The following ARHGEF25 variants were observed in gnomAD, a reference collection of about 807,000 sequenced individuals.
ARHGEF25 encodes the protein RAC/CDC42 exchange factor.
A neutral mutation model predicts 74.0 loss-of-function variants in ARHGEF25; 42 were observed. The observed-to-expected ratio is 0.57, with a 90% CI of 0.44 to 0.73. The LOEUF is 0.73. Ranked by LOEUF, ARHGEF25 falls within the 30% of genes least tolerant of loss-of-function variation. The pLI, the probability that ARHGEF25 is intolerant of heterozygous loss-of-function variation, is 0.00. For synonymous variants in ARHGEF25, 293 were observed against 278.6 expected, an observed-to-expected ratio of 1.05 and a Z score of -0.51; for missense variants, 645 against 725.5, an observed-to-expected ratio of 0.89 and a Z score of 1.27.
upstream of ARHGEF25, chr12:57,610,784 T>C (rs1216850953): frequency 3.1e-6 from 3 of 977,926 alleles, no homozygotes; most frequent in African/African-American, 5.0e-5. Context: ...TCGCATCTAA[T>C]TTGCATGAGA....
At chr12:57,610,182 C>G (rs778149044), upstream of ARHGEF25, 5 of 1,411,614 alleles carry the variant, frequency 3.5e-6, no homozygotes, top group East Asian at 2.4e-5. Context: ...AGTGCCCCCT[C>G]GACCCTGAAA....
Position 57,614,655 on chromosome 12 carries a change from C to A in ARHGEF25, c.817-34C>A. 6.2e-7 allele frequency: 1 copy of A among 1,613,658 alleles called. No individual in the cohort carries two copies. Among genetic ancestry groups the A allele is most frequent in the Non-Finnish European group, 8.5e-7 (1 of 1,179,806 alleles). On this transcript the variant is annotated intron_variant, in intron 8 of 14. Transcript: ENST00000286494. This position sits in a 1 kb window ranked among gnomAD's most constrained non-coding sequence, Gnocchi z 4.6. ...GGAAGGAGGACAGAACTGGGGCTTT[C>A]CAGGCTGCATAACCACCCTGTCCCT...
intron 11 of ARHGEF25, 53 bp downstream of exon 11, chr12:57,615,367 T>C: frequency 6.3e-7 from 1 of 1,581,964 alleles, no homozygotes; most frequent in Non-Finnish European, 8.6e-7. Context: ...GCCCCAGCCC[T>C]AGCATTCAGG....
Position 57,615,626 on chromosome 12 carries a change from G to T in ARHGEF25, c.1153G>T (p.Glu385Ter), listed in dbSNP as rs748362162. The stretch of plus-strand genomic sequence containing the variant: ...TCGAGAGAGGCGCGTCTTCCTCTTT[G>T]AGCAAATCATCATCTTCAGTGAAGC... Reference protein sequence around the residue: ...RGRERRVFLFEQIIIFSEALG... With the variant: ...RGRERRVFLF Residue 385 changes from glutamate (E) to a stop codon, truncating the protein, a stop_gained, in exon 12 of 15, where the codon GAG (glutamate) becomes TAG (stop). Transcript: ENST00000286494. LOFTEE classifies it high-confidence loss of function. 1.9e-5 allele frequency: 30 copies of T among 1,614,030 alleles called. No homozygotes were observed. The highest frequency in any genetic ancestry group is 2.7e-5 in the African/African-American group (2 of 74,908).
intron 14 of ARHGEF25, 52 bp from the exon 15 acceptor site, chr12:57,616,732 T>A: frequency 7.6e-7 from 1 of 1,308,944 alleles, no homozygotes; most frequent in Non-Finnish European, 1.1e-6. Context: ...AAGAGAGAAG[T>A]GAGGGTAGAT....
chr12:57,614,585 T>A lies in ARHGEF25; in HGVS notation c.796T>A (p.Phe266Ile). 1.9e-6 allele frequency: 3 copies of A among 1,613,428 alleles called. No homozygotes were observed. Among genetic ancestry groups the A allele is most frequent in the Non-Finnish European group, 2.5e-6 (3 of 1,179,866 alleles). The change falls in exon 8 of 15, where the codon TTT becomes ATT. Residue 266 changes from phenylalanine to isoleucine, a missense_variant. Around this residue, in one of 3 missense-constraint regions of ARHGEF25, gnomAD observed 194 missense variants for 269.4 expected, o/e 0.72. Coordinates refer to ENST00000286494, the MANE Select transcript of ARHGEF25 (RefSeq NM_182947.4). The surrounding 1 kb of genome is among the most constrained non-coding windows in gnomAD (Gnocchi z 4.6). ...KPKSEHVVSE[F>I]GDSYFEELRQ... ...CAAGTCAGAGCATGTGGTGTCAGAG[T>A]TTGGGGACAGCTACTTTGAGGTCAG...
intron 10 of ARHGEF25, 53 bp downstream of exon 10, chr12:57,615,070 A>G: frequency 5.6e-6 from 9 of 1,605,938 alleles, no homozygotes; most frequent in East Asian, 2.2e-5. Flanking sequence ...TCCTCCTAGT[A>G]TCTCATGGGT....
At position 57,616,402 on chromosome 12, in the gene ARHGEF25, C is replaced by G; in HGVS notation, c.1539C>G (p.Gly513=). Residue 513 remains glycine (G), a synonymous_variant, in exon 14 of 15, where the codon GGC becomes GGG. Transcript: ENST00000286494. ...TTCAGCTTGGAGATCAGGCCCAGGG[C>G]AGCACACACACACCCATCAATGGCT... is the stretch of plus-strand genomic sequence containing the variant. The part of the protein sequence containing the change: ...GRIQLGDQAQ[G]STHTPINGSL... 1 of 1,614,142 alleles carries G rather than the reference C, an allele frequency of 6.2e-7. No homozygotes were observed.
At chr12:57,610,284 T>C, upstream of ARHGEF25, 3 of 1,533,666 alleles carry the variant, frequency 2.0e-6, no homozygotes, top group South Asian at 1.2e-5. Flanking sequence ...GGGGGCATGC[T>C]GCGCGCATGC....
chr12:57,615,335 A>T (rs1416743302), intron 11 of ARHGEF25, 21 bp downstream of exon 11: 7 of 1,594,222 alleles, frequency 4.4e-6, no homozygotes, highest in Non-Finnish European at 6.0e-6. Context: ...AGGGCAAGAA[A>T]CTGGAGGCCC....
Position 57,611,479 on chromosome 12 carries a change from C to CG in ARHGEF25, c.-411dup, listed in dbSNP as rs1884037613. 1 of 985,700 alleles carries CG rather than the reference C, an allele frequency of 1.0e-6. No individual in the cohort carries two copies. Among genetic ancestry groups the CG allele is most frequent in the East Asian group, 1.1e-4 (1 of 8,790 alleles). 61.1% of individuals were successfully genotyped at this position (985,700 alleles called of 1,614,324 possible). A position where few individuals can be genotyped will look rare whatever the true frequency, so the allele number is the denominator to read the frequency against. Reference sequence around the variant, plus strand: ...TGGGACCCGCACAGCGCCAGTGGCTCGGGGGTCGGCCCTCGCCTCCTCCCC... The same window carrying CG: ...TGGGACCCGCACAGCGCCAGTGGCTCGGGGGGTCGGCCCTCGCCTCCTCCCC... On this transcript the variant is annotated 5_prime_UTR_variant, in exon 1 of 15. Transcript: ENST00000286494. The surrounding 1 kb of genome is among the most constrained non-coding windows in gnomAD (Gnocchi z 4.5).
Position 57,616,852 on chromosome 12 carries a change from C to T in ARHGEF25, c.1701C>T (p.Pro567=). ...PPVSPTPKTP[P]CQARLAKLDE... ...TCTCTCCAACTCCAAAAACCCCTCC[C>T]TGCCAAGCCAGACTTGCCAAGCTGG... Residue 567 remains proline, a synonymous_variant, in exon 15 of 15, where the codon CCC becomes CCT. Transcript: ENST00000286494. 1 of 1,614,154 alleles carries T rather than the reference C, an allele frequency of 6.2e-7. No homozygotes were observed.
intron 12 of ARHGEF25, 48 bp from the exon 13 acceptor site, chr12:57,615,789 A>G: frequency 6.2e-7 from 1 of 1,612,444 alleles, no homozygotes; most frequent in South Asian, 1.1e-5. Context: ...CAGAGGAGCC[A>G]GGGAGGGCCT....
At chr12:57,616,633 C>G in intron 14 of ARHGEF25, 138 bp downstream of exon 14, 2 of 1,011,152 alleles carry the variant, frequency 2.0e-6, no homozygotes, top group South Asian at 3.1e-5. Context: ...CGCTTCTCCC[C>G]TCTATTTTAA....
At chr12:57,610,467 A>G, upstream of ARHGEF25, 1 of 1,151,478 alleles carries the variant, frequency 8.7e-7, no homozygotes, top group Non-Finnish European at 1.2e-6. Flanking sequence ...GTTCTGGGCG[A>G]GCCTTTTATA....
Position 57,614,401 on chromosome 12 carries a change from G to A in ARHGEF25, c.726+1G>A. On this transcript the variant is annotated splice_donor_variant, in intron 7 of 14. Coordinates refer to ENST00000286494, the MANE Select transcript of ARHGEF25 (RefSeq NM_182947.4). LOFTEE classifies it high-confidence loss of function. The surrounding 1 kb of genome is among the most constrained non-coding windows in gnomAD (Gnocchi z 4.6). ...GCTGGCTCAGCTATTCATCAAACAC[G>A]TGAGGCTTGAGGGGGCAGGGCCTGG... is the stretch of plus-strand genomic sequence containing the variant. 6.2e-7 allele frequency: 1 copy of A among 1,614,002 alleles called. No homozygotes were observed. Among genetic ancestry groups the A allele is most frequent in the African/African-American group, 1.3e-5 (1 of 74,972 alleles).
At chr12:57,612,032 C>A (rs371536790) in intron 1 of ARHGEF25, 41 bp downstream of exon 1, 83 of 1,118,420 alleles carry the variant, frequency 7.4e-5, no homozygotes, top group Non-Finnish European at 8.9e-5. Flanking sequence ...GAGTGGGGGG[C>A]GGGCTGGGGG....
At position 57,613,785 on chromosome 12, in the gene ARHGEF25, C is replaced by A. The variant is rs758205020; in HGVS notation, c.552+25C>A. On this transcript the variant is annotated intron_variant, in intron 5 of 14. Transcript: ENST00000286494. ...GGTAGCTCCCTTTACCCCTTCCCAG[C>A]CCCTCCTGCCTGCTTTTCCATCTGC... 17 of 1,611,440 alleles carry A rather than the reference C, an allele frequency of 1.1e-5. No homozygotes were observed. In the East Asian group the frequency reaches 3.1e-4, roughly 30 times the overall value.
At chr12:57,612,218 A>C in intron 1 of ARHGEF25, 1 of 309,332 alleles carries the variant, frequency 3.2e-6, no homozygotes, top group Non-Finnish European at 5.8e-6. Context: ...CCTTTGTCAA[A>C]TGGGTTTGAG....
Sources: allele counts gnomAD v4.1 joint callset, GRCh38; gene constraint gnomAD v4.1.1; regional missense constraint gnomAD v4.1.1; non-coding constraint Gnocchi (gnomAD v3.1); transcripts MANE v1.5; gene names NCBI Gene and HGNC (gene_info 2026-07-23, HGNC 2026-07-21).